STXBP4: variants seen among roughly 807,000 people sequenced by gnomAD.
The protein encoded by STXBP4 is syntaxin binding protein 4.
A neutral mutation model predicts 76.1 loss-of-function variants in STXBP4; 55 were observed. The ratio of observed to expected loss-of-function variants is 0.72; its 90% CI spans 0.58 to 0.91. STXBP4 has a LOEUF of 0.91. STXBP4 is among the 40% of genes least tolerant of loss of function. The pLI, the probability that STXBP4 is intolerant of heterozygous loss-of-function variation, is 0.00. For synonymous variants in STXBP4, 201 were observed against 220.2 expected (o/e 0.91, Z 0.77); for missense variants, 618 against 636.9 (o/e 0.97, Z 0.32).
At chr17:54,971,101 A>G (rs1268833720) in intron 1 of STXBP4, among the ~76,000 whole-genome samples, 2 of 152,224 alleles carry the variant, frequency 1.3e-5, no homozygotes, top group Admixed American at 6.5e-5. Context: ...ATAGTACTCA[A>G]ATTTCTTGTA....
Position 55,007,603 on chromosome 17 carries a change from A to T in STXBP4, c.666+6A>T, listed in dbSNP as rs112255325. The T allele has an allele frequency of 9.8e-5, 156 of 1,593,032 alleles. 1 individual carries two copies. The Middle Eastern group carries it at 1.2e-3, about 12-fold the overall frequency. On this transcript the variant is annotated splice_donor_region_variant and intron_variant, in intron 8 of 17. Transcript: ENST00000376352. The stretch of plus-strand genomic sequence containing the variant: ...AGGCAGAGAAACTGGAAATGGTAAA[A>T]CCTTTAAATTTTCATTTTTCTTCCA...
chr17:55,103,584 T>G (rs1337609835), intron 16 of STXBP4, among the ~76,000 whole-genome samples: 1 of 151,658 alleles, frequency 6.6e-6, no homozygotes, highest in Non-Finnish European at 1.5e-5. Context: ...GTTTTGTTTT[T>G]TTTTTGCTTA....
chr17:54,988,881 T>G (rs753828253), intron 3 of STXBP4, among the ~76,000 whole-genome samples: 1 of 152,154 alleles, frequency 6.6e-6, no homozygotes, highest in Admixed American at 6.5e-5. Flanking sequence ...AGATAGGCCT[T>G]CCCAAATTAG....
chr17:55,066,063 C>T (rs182816564), intron 12 of STXBP4, among the ~76,000 whole-genome samples: 23 of 152,268 alleles, frequency 1.5e-4, no homozygotes, highest in African/African-American at 4.3e-4. Context: ...ATCATTATTA[C>T]ACACTTTATA....
At chr17:55,012,605 G>T (rs919018455) in intron 8 of STXBP4, among the ~76,000 whole-genome samples, 2 of 152,102 alleles carry the variant, frequency 1.3e-5, no homozygotes, top group African/African-American at 4.8e-5. Flanking sequence ...GGGCATGGAG[G>T]ACTAGGTGAG....
At chr17:55,061,713 G>A (rs543086381) in intron 12 of STXBP4, among the ~76,000 whole-genome samples, 1 of 152,232 alleles carries the variant, frequency 6.6e-6, no homozygotes, top group South Asian at 2.1e-4. Flanking sequence ...CAAGAATATT[G>A]TATAAATGGA....
At chr17:55,186,937 G>A in the STXBP4 span, among the ~76,000 whole-genome samples, 1 of 151,960 alleles carries the variant, frequency 6.6e-6, no homozygotes, top group African/African-American at 2.4e-5. Flanking sequence ...TACCTTAAAA[G>A]ACCCAAAATA....
intron 12 of STXBP4, among the ~76,000 whole-genome samples, chr17:55,068,236 C>T (rs747543289): frequency 2.0e-5 from 3 of 152,008 alleles, no homozygotes; most frequent in Non-Finnish European, 4.4e-5. Context: ...ATGTAGGAAG[C>T]TGATAAGAGA....
intron 16 of STXBP4, among the ~76,000 whole-genome samples, chr17:55,129,284 C>A (rs114238102): frequency 7.0e-4 from 106 of 152,200 alleles, no homozygotes; most frequent in African/African-American, 2.5e-3. Context: ...CATTCTCCTG[C>A]CTTCTTTCTT....
chr17:55,041,777 G>C (rs1314928146), intron 10 of STXBP4, among the ~76,000 whole-genome samples: 1 of 151,984 alleles, frequency 6.6e-6, no homozygotes, highest in Non-Finnish European at 1.5e-5. Flanking sequence ...AGCATATTAA[G>C]GCTGTTGGAA....
intron 15 of STXBP4, 152 bp from the exon 16 acceptor site, chr17:55,080,898 T>A (rs1254276628): frequency 1.7e-6 from 1 of 601,032 alleles, no homozygotes; most frequent in East Asian, 3.5e-5. Flanking sequence ...TATTGTTTTA[T>A]GTGAATTACT....
rs749944046 is a variant in STXBP4 at position 55,166,741 on chromosome 17, C to T, written c.*6830C>T. 5.3e-5 allele frequency: 8 copies of T among 152,246 alleles called. No individual in the cohort carries two copies. The highest frequency in any genetic ancestry group is 7.3e-5 in the Non-Finnish European group (5 of 68,060). 9.4% of individuals were successfully genotyped at this position (152,246 alleles called of 1,614,324 possible). On this transcript the variant is annotated 3_prime_UTR_variant, in exon 18 of 18. Transcript: ENST00000376352. ...CCACTCAGGAGTGGTAGAGCAAGAA[C>T]TTCCACCTCAAGAGAGTTGCTGGCC... is the stretch of plus-strand genomic sequence containing the variant.
At chr17:54,989,646 G>A (rs2077684512) in intron 3 of STXBP4, among the ~76,000 whole-genome samples, 1 of 152,124 alleles carries the variant, frequency 6.6e-6, no homozygotes, top group Admixed American at 6.5e-5. Flanking sequence ...TCATTATTTA[G>A]GTGTTGTTTA....
intron 17 of STXBP4, among the ~76,000 whole-genome samples, chr17:55,150,333 T>C (rs758632387): frequency 6.6e-6 from 1 of 152,192 alleles, no homozygotes; most frequent in African/African-American, 2.4e-5. Flanking sequence ...TGTGTCCTCA[T>C]CTGGCCTCTT....
At chr17:55,147,242 G>A (rs28451389) in intron 17 of STXBP4, among the ~76,000 whole-genome samples, 16 of 152,230 alleles carry the variant, frequency 1.1e-4, no homozygotes, top group Non-Finnish European at 2.1e-4. Flanking sequence ...GTAGGGGGAC[G>A]GTTTCAGGAT....
the STXBP4 span, among the ~76,000 whole-genome samples, chr17:55,205,173 A>G: frequency 1.1e-4 from 17 of 152,236 alleles, 1 homozygote; most frequent in South Asian, 3.5e-3. Context: ...TTGTCTTTAT[A>G]TTATAAAGTT....
chr17:55,122,251 A>C (rs1389573784), intron 16 of STXBP4, among the ~76,000 whole-genome samples: 2 of 152,258 alleles, frequency 1.3e-5, no homozygotes, highest in Non-Finnish European at 2.9e-5. Context: ...GATAAAACAT[A>C]GTCATTGTCC....
intron 16 of STXBP4, among the ~76,000 whole-genome samples, chr17:55,089,870 A>G (rs749289757): frequency 1.3e-5 from 2 of 152,148 alleles, no homozygotes; most frequent in Non-Finnish European, 2.9e-5. Flanking sequence ...GCCTTTAACT[A>G]CCTTCCTTCA....
At chr17:54,969,695 T>C (rs1200398420) in intron 1 of STXBP4, among the ~76,000 whole-genome samples, 1 of 152,232 alleles carries the variant, frequency 6.6e-6, no homozygotes, top group Non-Finnish European at 1.5e-5. Context: ...TTATCCCCAC[T>C]ATGTGGATGA....
Sources: gnomAD v4.1 joint callset for allele counts (sites outside exome capture counted in the v4.1 genomes callset) on GRCh38, gnomAD v4.1.1 for gene constraint, MANE v1.5 for transcripts, NCBI Gene and HGNC (gene_info 2026-07-23, HGNC 2026-07-21) for gene names.